FBXL7: variants seen among roughly 807,000 people sequenced by gnomAD.
FBXL7 encodes F-box/LRR-repeat protein 7.
In FBXL7, 12 loss-of-function variants were observed where a neutral mutation model predicts 38.3. The ratio of observed to expected loss-of-function variants is 0.31; its 90% confidence interval spans 0.20 to 0.51. The LOEUF is 0.51. Ranked by LOEUF, FBXL7 falls within the 20% of genes least tolerant of loss-of-function variation. The pLI, the probability that FBXL7 is intolerant of heterozygous loss-of-function variation, is 0.98. For synonymous variants in FBXL7, 297 were observed against 300.9 expected, an observed-to-expected ratio of 0.99 and a Z score of 0.13; for missense variants, 567 against 676.4, an observed-to-expected ratio of 0.84 and a Z score of 1.79.
chr5:15,865,986 G>A (rs1243820270), intron 2 of FBXL7, among the ~76,000 whole-genome samples: 5 of 152,184 alleles, frequency 3.3e-5, no homozygotes, highest in East Asian at 3.9e-4. Flanking sequence ...TTTTCGTTAA[G>A]AGTAGATCTC....
chr5:15,594,140 G>T (rs1375969534), intron 1 of FBXL7, among the ~76,000 whole-genome samples: 6 of 152,098 alleles, frequency 3.9e-5, no homozygotes. Context: ...GTGATTAATT[G>T]GGTAAGTTTT....
intron 1 of FBXL7, among the ~76,000 whole-genome samples, chr5:15,510,775 A>C (rs931506643): frequency 6.6e-6 from 1 of 152,248 alleles, no homozygotes; most frequent in Non-Finnish European, 1.5e-5. Flanking sequence ...CAATCATTTT[A>C]ATAATTATAG....
rs549248423 is a variant in FBXL7, at chr5:15,805,148, G to A, written c.128-122742G>A. Among the ~76,000 whole-genome samples, 3 of 152,260 alleles carry A rather than the reference G, an allele frequency of 2.0e-5. No individual in the cohort carries two copies. In the South Asian group the frequency reaches 6.2e-4, roughly 32 times the overall value. On this transcript the variant is annotated intron_variant, in intron 2 of 3. Coordinates refer to ENST00000504595, the MANE Select transcript of FBXL7 (RefSeq NM_012304.5). ...GGGCCACGCTAATGACTGCCTTAGA[G>A]ATCATAACCTTACTTACCTCTTTAA...
chr5:15,557,103 A>G (rs111254274), intron 1 of FBXL7, among the ~76,000 whole-genome samples: 10,263 of 152,118 alleles, frequency 0.067, 579 homozygotes, highest in African/African-American at 0.15. Context: ...ACGCCTGGCT[A>G]ATTTTTTTGT....
At chr5:15,661,123 A>T (rs1006482013) in intron 2 of FBXL7, among the ~76,000 whole-genome samples, 1 of 152,176 alleles carries the variant, frequency 6.6e-6, no homozygotes, top group African/African-American at 2.4e-5. Flanking sequence ...GCAGTCTTTT[A>T]TATTGAGAAA....
chr5:15,527,231 G>A (rs1737275401), intron 1 of FBXL7, among the ~76,000 whole-genome samples: 1 of 152,148 alleles, frequency 6.6e-6, no homozygotes, highest in Non-Finnish European at 1.5e-5. Context: ...GTAATGTCAG[G>A]TATAATAAGA....
chr5:15,939,259 A>G lies in FBXL7; in HGVS notation c.*2073A>G. On this transcript the variant is annotated 3_prime_UTR_variant, in exon 4 of 4. Coordinates refer to ENST00000504595, the MANE Select transcript of FBXL7 (RefSeq NM_012304.5). ...CCACAGAGTTTAAAACCATGAAAGA[A>G]GTTGAAGGCAGCATTCCTCAGCTCT... 1 of 389,010 alleles carries G rather than the reference A, an allele frequency of 2.6e-6. No homozygotes were observed. The highest frequency in any genetic ancestry group is 4.5e-6 in the Non-Finnish European group (1 of 220,320). 24.1% of individuals were successfully genotyped at this position (389,010 alleles called of 1,614,324 possible).
At chr5:15,705,414 C>G (rs1019482319) in intron 2 of FBXL7, among the ~76,000 whole-genome samples, 1 of 152,130 alleles carries the variant, frequency 6.6e-6, no homozygotes, top group Admixed American at 6.6e-5. Flanking sequence ...GTCTGCAATC[C>G]CTAGAACAGT....
At chr5:15,591,662 C>G (rs1272104959) in intron 1 of FBXL7, among the ~76,000 whole-genome samples, 1 of 151,890 alleles carries the variant, frequency 6.6e-6, no homozygotes, top group East Asian at 1.9e-4. Flanking sequence ...TGCCCCAGAT[C>G]TTGTGATGTG....
At chr5:15,751,190 A>G (rs942976863) in intron 2 of FBXL7, among the ~76,000 whole-genome samples, 2 of 152,192 alleles carry the variant, frequency 1.3e-5, no homozygotes, top group African/African-American at 4.8e-5. Flanking sequence ...GGCTATCATA[A>G]TTGTTACACT....
At chr5:15,918,081 AT>A (rs1270208145) in intron 2 of FBXL7, among the ~76,000 whole-genome samples, 1 of 152,112 alleles carries the variant, frequency 6.6e-6, no homozygotes, top group Non-Finnish European at 1.5e-5. Flanking sequence ...TCTACAAAAA[AT>A]ACAAAAATTA....
At chr5:15,923,277 A>G (rs1347435761) in intron 2 of FBXL7, among the ~76,000 whole-genome samples, 4 of 152,226 alleles carry the variant, frequency 2.6e-5, no homozygotes. Flanking sequence ...TACAAAGAGT[A>G]CACCTGGTCT....
intron 1 of FBXL7, among the ~76,000 whole-genome samples, chr5:15,531,419 A>G (rs1217500801): frequency 6.6e-6 from 1 of 152,232 alleles, no homozygotes; most frequent in Middle Eastern, 3.2e-3. Flanking sequence ...GTAGGATGAT[A>G]TAGAGACTTT....
chr5:15,634,862 C>T (rs1008445376), intron 2 of FBXL7, among the ~76,000 whole-genome samples: 2 of 152,128 alleles, frequency 1.3e-5, no homozygotes, highest in African/African-American at 4.8e-5. Context: ...ATAGCCTCTG[C>T]AAGTCTCTCT....
At chr5:15,893,322 C>G (rs1004385691) in intron 2 of FBXL7, among the ~76,000 whole-genome samples, 2 of 152,042 alleles carry the variant, frequency 1.3e-5, no homozygotes, top group Non-Finnish European at 2.9e-5. Context: ...ATGCCTCTTT[C>G]AAAGGATGCT....
At chr5:15,799,356 CTTTTTTTTTT>C (rs34953272) in intron 2 of FBXL7, among the ~76,000 whole-genome samples, 1 of 90,876 alleles carries the variant, frequency 1.1e-5, no homozygotes, top group Non-Finnish European at 2.0e-5. Flanking sequence ...AAACCCCTCC[CTTTTTTTTTT>C]TTTTTTTTTT....
intron 1 of FBXL7, among the ~76,000 whole-genome samples, chr5:15,530,572 G>T (rs1030396035): frequency 6.6e-6 from 1 of 152,168 alleles, no homozygotes; most frequent in Non-Finnish European, 1.5e-5. Flanking sequence ...CTAATGTTTG[G>T]TGATTCACTA....
rs926939044 is a variant in FBXL7, at chr5:15,928,198, A to G, written c.436A>G (p.Asn146Asp). 1.2e-6 allele frequency: 2 copies of G among 1,610,198 alleles called. No individual in the cohort carries two copies. Among genetic ancestry groups the G allele is most frequent in the Non-Finnish European group, 1.7e-6 (2 of 1,178,610 alleles). ...CGCGCGAGTGTGCCGCCGCTGGTAC[A>G]ACCTGGCCTGGGACCCGCGGCTCTG... ...RCARVCRRWY[N>D]LAWDPRLWRT... The change falls in exon 3 of 4, where the codon AAC becomes GAC. Residue 146 changes from asparagine (N) to aspartate (D), a missense_variant. Asn to Asp is a conservative substitution (Grantham distance 23, BLOSUM62 1). Transcript: ENST00000504595. The surrounding 1 kb of genome is among the most constrained non-coding windows in gnomAD (Gnocchi z 4.0).
chr5:15,685,214 TTTA>T (rs1358203205), intron 2 of FBXL7, among the ~76,000 whole-genome samples: 1 of 152,202 alleles, frequency 6.6e-6, no homozygotes, highest in African/African-American at 2.4e-5. Flanking sequence ...TTCCAAATTC[TTTA>T]TTATGTTCAT....
Sources: allele counts gnomAD v4.1 joint callset (sites outside exome capture counted in the v4.1 genomes callset), GRCh38; gene constraint gnomAD v4.1.1; non-coding constraint Gnocchi (gnomAD v3.1); transcripts MANE v1.5; gene names NCBI Gene and HGNC (gene_info 2026-07-23, HGNC 2026-07-21).